Variants in ANKDD1A observed in about 807,000 individuals in gnomAD.
ANKDD1A encodes the protein ankyrin repeat and death domain containing 1A.
In ANKDD1A, 59 loss-of-function variants were observed where a neutral mutation model predicts 63.5. That is an observed-to-expected ratio of 0.93 (90% CI 0.75 to 1.15). The LOEUF (loss-of-function observed/expected upper bound fraction) is 1.15, where lower values mean the gene tolerates loss of function less well. Ranked by LOEUF, ANKDD1A falls within the 50% of genes most tolerant of loss-of-function variation. The pLI is 0.00. For missense variants in ANKDD1A, 632 were observed against 656.4 expected, an observed-to-expected ratio of 0.96 and a Z score of 0.41; for synonymous variants, 266 against 263.9, an observed-to-expected ratio of 1.01 and a Z score of -0.08.
intron 6 of ANKDD1A, among the ~76,000 whole-genome samples, chr15:64,927,638 T>TCTGTCGTC (rs2085056446): frequency 7.0e-6 from 1 of 142,106 alleles, no homozygotes; most frequent in South Asian, 2.2e-4. Context: ...GGAGTCTCGC[T>TCTGTCGTC]CTGTCGTCCA....
At chr15:64,944,777 C>T (rs757671589) in intron 12 of ANKDD1A, 30 bp downstream of exon 12, 2 of 1,603,654 alleles carry the variant, frequency 1.2e-6, no homozygotes, top group South Asian at 1.1e-5. Context: ...GATCTTTCCT[C>T]ATTGGAAAGG....
At chr15:64,951,054 G>T (rs781670191) in intron 14 of ANKDD1A, 1 of 1,235,650 alleles carries the variant, frequency 8.1e-7, no homozygotes, top group South Asian at 1.4e-5. Flanking sequence ...GGACCTCAGC[G>T]TGTGGAGCCA....
chr15:64,922,252 C>T, intron 4 of ANKDD1A: 1 of 528,348 alleles, frequency 1.9e-6, no homozygotes, highest in Admixed American at 3.4e-5. Flanking sequence ...AAGTAACTCC[C>T]TCAGAGGGTA....
intron 6 of ANKDD1A, among the ~76,000 whole-genome samples, chr15:64,928,867 T>C (rs2140370696): frequency 6.6e-6 from 1 of 152,338 alleles, no homozygotes; most frequent in African/African-American, 2.4e-5. Flanking sequence ...CTGTCAGGCA[T>C]CCATGTGTGC....
rs751753441 is a variant in ANKDD1A, at chr15:64,917,413, G to A, written c.166G>A (p.Ala56Thr). Residue 56 changes from alanine (A) to threonine (T), a missense_variant, in exon 3 of 15, where the codon GCA (alanine) becomes ACA (threonine). Coordinates refer to ENST00000319580, the MANE Select transcript of ANKDD1A (RefSeq NM_182703.6). ...GGGCAGGGTGGCCCTGCACTGGGCT[G>A]CAGGTGCAGGGCACGAGCAGGCTGT... ...HVGRVALHWAAGAGHEQAVRL... is the reference protein window; with the variant it reads ...HVGRVALHWATGAGHEQAVRL... The A allele has an allele frequency of 1.2e-6, 2 of 1,611,224 alleles. No individual in the cohort carries two copies. Among genetic ancestry groups the A allele is most frequent in the Non-Finnish European group, 1.7e-6 (2 of 1,179,354 alleles).
intron 12 of ANKDD1A, among the ~76,000 whole-genome samples, chr15:64,945,617 T>TATGTATATATATATATATAC (rs2085217106): frequency 2.8e-5 from 2 of 71,278 alleles, no homozygotes; most frequent in Admixed American, 2.0e-4. Context: ...CATATATATA[T>TATGTATATATATATATATAC]ATATATATAT....
intron 6 of ANKDD1A, among the ~76,000 whole-genome samples, chr15:64,929,205 ACT>A (rs2085069853): frequency 6.6e-6 from 1 of 151,924 alleles, no homozygotes; most frequent in Non-Finnish European, 1.5e-5. Context: ...ACAAGATCTT[ACT>A]CTGTTGCCCA....
chr15:64,912,142 C>A (rs2084936127), intron 1 of ANKDD1A, among the ~76,000 whole-genome samples, 178 bp downstream of exon 1: 1 of 152,118 alleles, frequency 6.6e-6, no homozygotes, highest in African/African-American at 2.4e-5. Context: ...GGGACCTTGC[C>A]AGTGCGTCTG....
intron 14 of ANKDD1A, among the ~76,000 whole-genome samples, chr15:64,953,406 TCTC>T (rs139735743): frequency 0.069 from 7,649 of 110,440 alleles, 302 homozygotes; most frequent in Middle Eastern, 0.2. Context: ...CTCCTTTTCT[TCTC>T]CTCCTCCTCC....
intron 4 of ANKDD1A, among the ~76,000 whole-genome samples, chr15:64,925,179 G>T (rs1438877820): frequency 7.5e-6 from 1 of 133,740 alleles, no homozygotes; most frequent in African/African-American, 2.9e-5. Context: ...AGTGAGCCGA[G>T]ATCGCACCAC....
Position 64,957,639 on chromosome 15 carries a change from T to G in ANKDD1A, c.*451T>G, listed in dbSNP as rs1013192125. On this transcript the variant is annotated 3_prime_UTR_variant, in exon 15 of 15. Coordinates refer to ENST00000319580, the MANE Select transcript of ANKDD1A (RefSeq NM_182703.6). Reference sequence around the variant, plus strand: ...TATTTGACAAAACTTGTATCCACATTGTAGCTGTTCATGTGTCTGCTTCTA... The same window carrying G: ...TATTTGACAAAACTTGTATCCACATGGTAGCTGTTCATGTGTCTGCTTCTA... 1.3e-5 allele frequency: 2 copies of G among 152,772 alleles called. No individual in the cohort carries two copies. Among genetic ancestry groups the G allele is most frequent in the African/African-American group, 4.8e-5 (2 of 41,466 alleles). The allele number at this position is 152,772 out of a possible 1,614,324, so 9.5% of individuals were successfully genotyped here.
rs920643727 is a variant in ANKDD1A, at chr15:64,958,634, A to AT, written c.*1453dup. 17 of 152,292 alleles carry AT rather than the reference A, an allele frequency of 1.1e-4. No homozygotes were observed. The highest frequency in any genetic ancestry group is 1.0e-4 in the Non-Finnish European group (7 of 68,016). The allele number at this position is 152,292 out of a possible 1,614,324, so 9.4% of individuals were successfully genotyped here. ...TGAATTTTATAAAATGAATTTTGTA[A>AT]TTTTTTTCTGAGAAAAAAAAGTTCT... On this transcript the variant is annotated 3_prime_UTR_variant, in exon 15 of 15. Transcript: ENST00000319580.
chr15:64,952,843 CCTT>C (rs1267077557), intron 14 of ANKDD1A, among the ~76,000 whole-genome samples: 4 of 46,478 alleles, frequency 8.6e-5, no homozygotes, highest in Non-Finnish European at 1.6e-4. Context: ...CCTTTCTTCT[CCTT>C]GTCTCTTCTC....
chr15:64,931,291 T>C (rs1307000779), intron 7 of ANKDD1A, among the ~76,000 whole-genome samples, 196 bp from the exon 8 acceptor site: 1 of 152,072 alleles, frequency 6.6e-6, no homozygotes, highest in Non-Finnish European at 1.5e-5. Flanking sequence ...ATGTGTGTGC[T>C]CCATAAAGTG....
intron 13 of ANKDD1A, among the ~76,000 whole-genome samples, chr15:64,947,986 G>A (rs1457084891): frequency 6.6e-6 from 1 of 152,202 alleles, no homozygotes; most frequent in Non-Finnish European, 1.5e-5. Context: ...TAAAGGAAGA[G>A]AGAGACTTAT....
intron 14 of ANKDD1A, among the ~76,000 whole-genome samples, chr15:64,952,499 T>A (rs1238526561): frequency 2.0e-5 from 2 of 99,584 alleles, no homozygotes; most frequent in African/African-American, 7.8e-5. Context: ...GTCACCGTCT[T>A]CTCCTTCTTC....
Position 64,949,851 on chromosome 15 carries a change from C to T in ANKDD1A, c.1362C>T (p.Ser454=). The change falls in exon 14 of 15, where the codon AGC becomes AGT. Residue 454 remains serine (S), a synonymous_variant. Coordinates refer to ENST00000319580, the MANE Select transcript of ANKDD1A (RefSeq NM_182703.6). The part of the protein sequence containing the change: ...AIEQQWTGTR[S]YQEHGHRMLL... ...CCTCACTGTTCTCAGGCACCAGGAG[C>T]TATCAGGAGCACGGCCACCGAATGC... 1 of 1,602,056 alleles carries T rather than the reference C, an allele frequency of 6.2e-7. No homozygotes were observed. The highest frequency in any genetic ancestry group is 8.5e-7 in the Non-Finnish European group (1 of 1,179,860).
At chr15:64,925,227 C>CA (rs769786433) in intron 4 of ANKDD1A, among the ~76,000 whole-genome samples, 800 of 41,368 alleles carry the variant, frequency 0.019, 5 homozygotes, top group African/African-American at 0.023. Context: ...GACTCCGACT[C>CA]AAAAAAAAAA....
At chr15:64,916,021 G>T in intron 2 of ANKDD1A, 121 bp downstream of exon 2, 1 of 962,088 alleles carries the variant, frequency 1.0e-6, no homozygotes. Context: ...AACTTGGAGG[G>T]AGGCTCGGGC....
Sources: gnomAD v4.1 joint callset for allele counts (sites outside exome capture counted in the v4.1 genomes callset) on GRCh38, gnomAD v4.1.1 for gene constraint, MANE v1.5 for transcripts, NCBI Gene and HGNC (gene_info 2026-07-23, HGNC 2026-07-21) for gene names.